Variants in MAML3 observed in about 807,000 individuals in gnomAD.
MAML3 encodes mastermind like transcriptional coactivator 3.
A neutral mutation model predicts 101.9 loss-of-function variants in MAML3; 27 were observed. That is an observed-to-expected ratio of 0.27 (90% CI 0.20 to 0.37). MAML3 has a LOEUF of 0.37. MAML3 is among the 10% of genes least tolerant of loss of function. The pLI, the probability that MAML3 is intolerant of heterozygous loss-of-function variation, is 1.00. For synonymous variants in MAML3, 501 were observed against 555.9 expected (o/e 0.90, Z 1.39); for missense variants, 1,316 against 1,444.9 (o/e 0.91, Z 1.45).
chr4:139,969,821 C>T (rs1042911268), intron 1 of MAML3, among the ~76,000 whole-genome samples: 1 of 152,170 alleles, frequency 6.6e-6, no homozygotes, highest in Admixed American at 6.5e-5. Flanking sequence ...GCAGCCCTGA[C>T]TATACCGGCG....
At chr4:140,035,194 G>A (rs567340883) in intron 1 of MAML3, among the ~76,000 whole-genome samples, 1 of 152,010 alleles carries the variant, frequency 6.6e-6, no homozygotes, top group African/African-American at 2.4e-5. Context: ...GGCTGGTTTC[G>A]AACTCCTGAC....
intron 1 of MAML3, among the ~76,000 whole-genome samples, chr4:139,922,604 T>C (rs1403217064): frequency 6.6e-6 from 1 of 152,216 alleles, no homozygotes; most frequent in Non-Finnish European, 1.5e-5. Flanking sequence ...TTCCCTCTGT[T>C]TTTAAGTTCT....
intron 1 of MAML3, among the ~76,000 whole-genome samples, chr4:140,059,378 A>G (rs575451561): frequency 9.2e-5 from 14 of 152,166 alleles, no homozygotes; most frequent in Non-Finnish European, 2.1e-4. Context: ...CCCTGAAGGA[A>G]ATCACTTCTC....
chr4:140,065,178 C>T (rs928969140), intron 1 of MAML3, among the ~76,000 whole-genome samples: 5 of 151,910 alleles, frequency 3.3e-5, no homozygotes, highest in African/African-American at 1.2e-4. Flanking sequence ...TGCTTTTCTA[C>T]AGAGTAAAAT....
intron 1 of MAML3, among the ~76,000 whole-genome samples, chr4:140,125,195 T>C (rs530817862): frequency 6.6e-6 from 1 of 152,286 alleles, no homozygotes; most frequent in South Asian, 2.1e-4. Flanking sequence ...AAATGATATA[T>C]ACTGAATAAA....
chr4:139,779,041 A>G (rs67477437), intron 2 of MAML3, among the ~76,000 whole-genome samples: 31,752 of 151,650 alleles, frequency 0.21, 3,468 homozygotes, highest in Non-Finnish European at 0.22. Flanking sequence ...CTGCCTTTAC[A>G]CAGCCTACTT....
chr4:140,062,436 GCTAT>G (rs1478672132), intron 1 of MAML3, among the ~76,000 whole-genome samples: 1 of 152,064 alleles, frequency 6.6e-6, no homozygotes, highest in African/African-American at 2.4e-5. Flanking sequence ...GCAGGGCCAC[GCTAT>G]CTATGTTTAA....
chr4:139,776,653 T>C (rs1434260543), intron 2 of MAML3, among the ~76,000 whole-genome samples: 2 of 151,950 alleles, frequency 1.3e-5, no homozygotes. Context: ...CGCAAAATGG[T>C]GCATTTAAAC....
chr4:140,073,785 G>A (rs536224447), intron 1 of MAML3, among the ~76,000 whole-genome samples: 1 of 152,150 alleles, frequency 6.6e-6, no homozygotes, highest in Non-Finnish European at 1.5e-5. Flanking sequence ...GAGAAACTGG[G>A]GTCACCAAAA....
At chr4:140,085,631 A>C (rs1727939494) in intron 1 of MAML3, among the ~76,000 whole-genome samples, 1 of 152,322 alleles carries the variant, frequency 6.6e-6, no homozygotes, top group African/African-American at 2.4e-5. Context: ...CTTGGCCAAA[A>C]CGGGCAAACA....
chr4:139,885,705 C>G (rs996285904), intron 2 of MAML3, among the ~76,000 whole-genome samples: 3 of 148,642 alleles, frequency 2.0e-5, no homozygotes, highest in East Asian at 4.0e-4. Context: ...GGGCGGATCA[C>G]GAGGTCAGGA....
intron 2 of MAML3, among the ~76,000 whole-genome samples, chr4:139,825,397 A>G (rs1731044894): frequency 6.6e-6 from 1 of 152,176 alleles, no homozygotes; most frequent in Admixed American, 6.5e-5. Context: ...TACTTGATAG[A>G]GCAGAGTGCT....
intron 1 of MAML3, among the ~76,000 whole-genome samples, chr4:140,105,545 T>A (rs568431160): frequency 3.3e-5 from 5 of 152,358 alleles, no homozygotes; most frequent in African/African-American, 1.2e-4. Context: ...CCATCCTCTG[T>A]CTGACAAAAC....
intron 1 of MAML3, among the ~76,000 whole-genome samples, chr4:139,983,454 G>C (rs975649398): frequency 6.6e-6 from 1 of 152,194 alleles, no homozygotes; most frequent in Admixed American, 6.5e-5. Flanking sequence ...ATACAGAAGA[G>C]TGACTTCAAG....
Position 139,720,078 on chromosome 4 carries a change from T to G in MAML3, c.2662A>C (p.Ser888Arg), listed in dbSNP as rs1426102508. 3.1e-6 allele frequency: 5 copies of G among 1,614,066 alleles called. No individual in the cohort carries two copies. The highest frequency in any genetic ancestry group is 4.2e-6 in the Non-Finnish European group (5 of 1,179,894). Residue 888 changes from serine to arginine, a missense_variant, in exon 5 of 5, where the codon AGT (serine) becomes CGT (arginine). Physicochemically the swap from Ser to Arg is moderately radical, Grantham distance 110 (BLOSUM62 -1). Transcript: ENST00000509479. ...TGGTTATGTGTGATGCTCATGCCAC[T>G]TTGGTTTGGATGCTGCAACATTTGG... The part of the protein sequence containing the change: ...MTQMLQHPNQ[S>R]GMSITHNQAQ...
chr4:139,747,851 C>T (rs1195178352), intron 2 of MAML3, among the ~76,000 whole-genome samples: 5 of 151,692 alleles, frequency 3.3e-5, no homozygotes, highest in South Asian at 4.2e-4. Flanking sequence ...GTTAGGAGTT[C>T]GACACAAGCC....
intron 2 of MAML3, among the ~76,000 whole-genome samples, chr4:139,808,501 C>G (rs906494977): frequency 9.2e-5 from 14 of 152,174 alleles, no homozygotes; most frequent in African/African-American, 2.7e-4. Context: ...AACTGCCAAG[C>G]CTCAGCAGCA....
intron 2 of MAML3, among the ~76,000 whole-genome samples, chr4:139,772,157 G>A (rs1005199005): frequency 2.1e-5 from 3 of 143,148 alleles, no homozygotes; most frequent in East Asian, 2.2e-4. Flanking sequence ...GGAGAATGGC[G>A]TGAACCCGGG....
intron 1 of MAML3, among the ~76,000 whole-genome samples, chr4:140,151,221 G>C (rs1487666968): frequency 6.6e-6 from 1 of 152,120 alleles, no homozygotes; most frequent in Admixed American, 6.5e-5. Flanking sequence ...GAAGGGGAGG[G>C]GGAGGAGGAA....
Sources: allele counts gnomAD v4.1 joint callset (sites outside exome capture counted in the v4.1 genomes callset), GRCh38; gene constraint gnomAD v4.1.1; transcripts MANE v1.5; gene names NCBI Gene and HGNC (gene_info 2026-07-23, HGNC 2026-07-21).